FBXW11: variants seen among roughly 807,000 people sequenced by gnomAD.
FBXW11 encodes F-box and WD repeat domain containing 11, also known as F-box/WD repeat-containing protein 11.
In FBXW11, 19 loss-of-function variants were observed where a neutral mutation model predicts 77.6. That is an observed-to-expected ratio of 0.24 (90% CI 0.17 to 0.36). The LOEUF is 0.36. FBXW11 is among the 10% of genes least tolerant of loss of function. The pLI is 1.00. For synonymous variants in FBXW11, 235 were observed against 249.4 expected (o/e 0.94, Z 0.54); for missense variants, 334 against 704.2 (o/e 0.47, Z 5.95).
intron 6 of FBXW11, among the ~76,000 whole-genome samples, chr5:171,893,248 G>A (rs1241290361): frequency 2.0e-5 from 3 of 151,608 alleles, no homozygotes; most frequent in Admixed American, 6.6e-5. Flanking sequence ...CACATCCTGA[G>A]GGCAGGATGG....
intron 1 of FBXW11, among the ~76,000 whole-genome samples, chr5:171,985,320 T>G (rs1380325311): frequency 6.6e-6 from 1 of 152,066 alleles, no homozygotes; most frequent in Non-Finnish European, 1.5e-5. Flanking sequence ...CCTCCTCCAA[T>G]CTAGGCAGGG....
chr5:171,967,663 A>T (rs1464529115), intron 1 of FBXW11, among the ~76,000 whole-genome samples: 1 of 151,746 alleles, frequency 6.6e-6, no homozygotes, highest in East Asian at 1.9e-4. Context: ...AACATGGAAA[A>T]ACCCCGTCTC....
intron 1 of FBXW11, among the ~76,000 whole-genome samples, chr5:171,996,066 T>C (rs1766027503): frequency 6.6e-6 from 1 of 152,156 alleles, no homozygotes; most frequent in Non-Finnish European, 1.5e-5. Context: ...TTGTGCCAAT[T>C]AAGTAATATA....
At chr5:171,871,008 T>A (rs1757722220) in intron 10 of FBXW11, 150 bp from the exon 11 acceptor site, 1 of 583,486 alleles carries the variant, frequency 1.7e-6, no homozygotes, top group African/African-American at 1.9e-5. Context: ...ACCACACATA[T>A]AAAGCTGTAT....
At chr5:171,951,662 TG>T (rs1470804178) in intron 2 of FBXW11, among the ~76,000 whole-genome samples, 1 of 152,226 alleles carries the variant, frequency 6.6e-6, no homozygotes, top group East Asian at 1.9e-4. Flanking sequence ...GGCTAATTTT[TG>T]TATTTTTAGT....
chr5:171,881,404 A>C (rs1301154445), intron 7 of FBXW11, among the ~76,000 whole-genome samples: 2 of 152,196 alleles, frequency 1.3e-5, no homozygotes, highest in Non-Finnish European at 1.5e-5. Flanking sequence ...TAGTTTACTA[A>C]GGGTTTTTAT....
chr5:171,979,917 T>G (rs1414856852), intron 1 of FBXW11, among the ~76,000 whole-genome samples: 1 of 152,174 alleles, frequency 6.6e-6, no homozygotes, highest in African/African-American at 2.4e-5. Context: ...GGACCTCACA[T>G]TTTGTATTTG....
intron 4 of FBXW11, among the ~76,000 whole-genome samples, chr5:171,907,816 T>C (rs1339075674): frequency 1.3e-5 from 2 of 152,182 alleles, no homozygotes; most frequent in Non-Finnish European, 2.9e-5. Context: ...ATAACACATG[T>C]TCATCTGTTC....
chr5:172,002,283 G>C (rs1039669539), intron 1 of FBXW11, among the ~76,000 whole-genome samples: 2 of 152,186 alleles, frequency 1.3e-5, no homozygotes, highest in African/African-American at 4.8e-5. Flanking sequence ...CAAGACTTGT[G>C]TGCAGGAACA....
rs1287028078 is a variant in FBXW11 at position 171,861,878 on chromosome 5, A to G, written c.*2249T>C. ...GCTTTAAAACATTAATATAGCAGTA[A>G]TTTACATTTGCTCAGTTATGGTTAG... On this transcript the variant is annotated 3_prime_UTR_variant, in exon 14 of 14. Coordinates refer to ENST00000517395, the MANE Select transcript of FBXW11 (RefSeq NM_001378974.1). 1.3e-5 allele frequency: 2 copies of G among 152,618 alleles called. No individual in the cohort carries two copies. Among genetic ancestry groups the G allele is most frequent in the East Asian group, 1.9e-4 (1 of 5,200 alleles). The allele number at this position is 152,618 out of a possible 1,614,324, so 9.5% of individuals were successfully genotyped here.
chr5:171,972,502 T>TAA (rs70982360), intron 1 of FBXW11, among the ~76,000 whole-genome samples: 14,645 of 48,182 alleles, frequency 0.3, 4,041 homozygotes, highest in East Asian at 0.53. Context: ...CTCTGTCTCA[T>TAA]AAAAAAAAAA....
chr5:171,982,130 A>G (rs918120843), intron 1 of FBXW11, among the ~76,000 whole-genome samples: 1 of 152,250 alleles, frequency 6.6e-6, no homozygotes, highest in African/African-American at 2.4e-5. Flanking sequence ...AAACTCAAAC[A>G]GTACACTTAA....
intron 2 of FBXW11, among the ~76,000 whole-genome samples, chr5:171,918,458 C>T (rs1761393749): frequency 6.6e-6 from 1 of 152,128 alleles, no homozygotes; most frequent in Non-Finnish European, 1.5e-5. Context: ...TTCCTATATC[C>T]AAACTCTCAT....
At chr5:171,882,801 T>A (rs1336039626) in intron 7 of FBXW11, among the ~76,000 whole-genome samples, 1 of 152,160 alleles carries the variant, frequency 6.6e-6, no homozygotes, top group African/African-American at 2.4e-5. Flanking sequence ...TTTATTTTTT[T>A]ATTTTTCCAT....
At chr5:171,971,367 C>T (rs1263663838) in intron 1 of FBXW11, among the ~76,000 whole-genome samples, 1 of 152,162 alleles carries the variant, frequency 6.6e-6, no homozygotes, top group Non-Finnish European at 1.5e-5. Context: ...ACTGCAGAAA[C>T]AGAGTACTAC....
At position 171,893,421 on chromosome 5, in the gene FBXW11, C is replaced by CAAAAAAAAAAAAAAAAAAA. The variant is rs397999920; in HGVS notation, c.715-1836_715-1818dup. ...GACATACAAAAGCACACTTCAAAACCAAAAAAAAAAAAAAAAAAAAAAAAA... is the reference window on the plus strand; with the variant it reads ...GACATACAAAAGCACACTTCAAAACCAAAAAAAAAAAAAAAAAAAAAAAAAAAAAAAAAAAAAAAAAAAA... On this transcript the variant is annotated intron_variant, in intron 6 of 13. Transcript: ENST00000517395. Among the ~76,000 whole-genome samples, 241 of 39,834 alleles carry CAAAAAAAAAAAAAAAAAAA rather than the reference C, an allele frequency of 6.1e-3. 82 individuals carry two copies. The highest frequency in any genetic ancestry group is 8.1e-3 in the Non-Finnish European group (182 of 22,464). 26.1% of individuals were successfully genotyped at this position (39,834 alleles called of 152,430 possible).
chr5:171,938,764 C>T (rs962166347), intron 2 of FBXW11, among the ~76,000 whole-genome samples: 5 of 152,218 alleles, frequency 3.3e-5, no homozygotes, highest in East Asian at 1.9e-4. Flanking sequence ...CATGCTCATA[C>T]GAAAGACACT....
At chr5:171,920,416 T>TAAA (rs34512244) in intron 2 of FBXW11, among the ~76,000 whole-genome samples, 5 of 130,690 alleles carry the variant, frequency 3.8e-5, no homozygotes, top group Admixed American at 1.5e-4. Flanking sequence ...CACCGCTATT[T>TAAA]AAAAAAAAAA....
intron 2 of FBXW11, among the ~76,000 whole-genome samples, chr5:171,927,273 A>G (rs962821866): frequency 2.0e-4 from 31 of 152,252 alleles, no homozygotes; most frequent in African/African-American, 7.2e-4. Context: ...ACTGGACTAC[A>G]TATGTGGATT....
Sources: allele counts gnomAD v4.1 joint callset (sites outside exome capture counted in the v4.1 genomes callset), GRCh38; gene constraint gnomAD v4.1.1; transcripts MANE v1.5; gene names NCBI Gene and HGNC (gene_info 2026-07-23, HGNC 2026-07-21).